KLF8: variants seen among roughly 807,000 people sequenced by gnomAD.
The protein encoded by KLF8 is Krueppel-like factor 8.
Under a neutral mutation model 18.2 loss-of-function variants are expected in KLF8, and 10 were observed. The observed-to-expected ratio is 0.55, with a 90% CI of 0.34 to 0.93. The LOEUF (loss-of-function observed/expected upper bound fraction) is 0.93. Among genes scored for constraint, KLF8 ranks in the 40% least tolerant of loss-of-function variants. The pLI is 0.02. For synonymous variants in KLF8, 109 were observed against 97.3 expected (o/e 1.12, Z -0.71); for missense variants, 264 against 277.9 (o/e 0.95, Z 0.36).
chrX:56,114,031 T>G, the KLF8 span, among the ~76,000 whole-genome samples: 1 of 111,738 alleles, frequency 8.9e-6, no homozygotes, highest in Non-Finnish European at 1.9e-5. Flanking sequence ...CCCAGGGGGA[T>G]CATAGTTCTG....
the KLF8 span, among the ~76,000 whole-genome samples, chrX:56,063,948 C>T: frequency 9.1e-6 from 1 of 109,475 alleles, no homozygotes; most frequent in Non-Finnish European, 1.9e-5. Context: ...ACTATCCTTT[C>T]ACTTCCAGGT....
chrX:55,914,743 A>G, the KLF8 span, among the ~76,000 whole-genome samples: 1 of 111,548 alleles, frequency 9.0e-6, no homozygotes, highest in South Asian at 3.8e-4. Context: ...CACCAGAGAT[A>G]TGCTATGTTC....
At chrX:56,165,167 A>G in the KLF8 span, among the ~76,000 whole-genome samples, 8 of 110,864 alleles carry the variant, frequency 7.2e-5, no homozygotes, top group African/African-American at 2.0e-4. Context: ...AACCAACCCA[A>G]ATGTCCATAT....
At chrX:56,057,087 G>A in the KLF8 span, among the ~76,000 whole-genome samples, 1 of 111,749 alleles carries the variant, frequency 8.9e-6, no homozygotes, top group Non-Finnish European at 1.9e-5. Context: ...GGTGAAGGCA[G>A]TTCGGCTTGG....
chrX:55,920,132 G>T, the KLF8 span, among the ~76,000 whole-genome samples: 1 of 111,829 alleles, frequency 8.9e-6, no homozygotes, highest in African/African-American at 3.3e-5. Flanking sequence ...GAGCATGGTA[G>T]CTCCCCCGGG....
At chrX:56,107,852 T>TAAG in the KLF8 span, among the ~76,000 whole-genome samples, 1 of 112,033 alleles carries the variant, frequency 8.9e-6, no homozygotes, top group Non-Finnish European at 1.9e-5. Context: ...TCGGCCATCT[T>TAAG]AGAACGGATC....
chrX:56,135,804 A>G, the KLF8 span, among the ~76,000 whole-genome samples: 1 of 112,431 alleles, frequency 8.9e-6, no homozygotes, highest in African/African-American at 3.2e-5. Flanking sequence ...GCAGAAATCA[A>G]GAAATTCTTT....
At chrX:56,211,984 T>G in the KLF8 span, among the ~76,000 whole-genome samples, 1 of 111,356 alleles carries the variant, frequency 9.0e-6, no homozygotes, top group South Asian at 3.8e-4. Context: ...TACCTGGGTA[T>G]TGCTGCTGGT....
the KLF8 span, among the ~76,000 whole-genome samples, chrX:56,139,831 T>G: frequency 3.6e-5 from 4 of 110,933 alleles, no homozygotes; most frequent in Non-Finnish European, 7.5e-5. Flanking sequence ...ATCAACAAAG[T>G]AAACAGGCAA....
chrX:56,201,421 A>T, the KLF8 span, among the ~76,000 whole-genome samples: 2 of 111,601 alleles, frequency 1.8e-5, no homozygotes. Flanking sequence ...AAACTCATAC[A>T]CACAAAAACA....
At position 56,270,381 on chromosome X, in the gene KLF8, C is replaced by T. The variant is rs768776369; in HGVS notation, c.898+60C>T. 11 of 778,146 alleles carry T rather than the reference C, an allele frequency of 1.4e-5. No homozygotes were observed. The African/African-American group carries it at 4.4e-4, about 31-fold the overall frequency. 64.1% of individuals were successfully genotyped at this position (778,146 alleles called of 1,213,427 possible). ...ACACACACACACACACACACACACACGAGAGAGAGAGAGAGAGAGGGGCAG... is the reference window on the plus strand; with the variant it reads ...ACACACACACACACACACACACACATGAGAGAGAGAGAGAGAGAGGGGCAG... On this transcript the variant is annotated intron_variant, in intron 5 of 5. Transcript: ENST00000468660.
At position 56,285,111 on chromosome X, in the gene KLF8, A is replaced by T. The variant is rs974937097; in HGVS notation, c.*617A>T. The T allele has an allele frequency of 8.9e-6, 1 of 111,935 alleles. No individual in the cohort carries two copies. The highest frequency in any genetic ancestry group is 1.9e-5 in the Non-Finnish European group (1 of 53,263). 9.2% of individuals were successfully genotyped at this position (111,935 alleles called of 1,213,427 possible). ...TTTCTTCTTAAAGTTTGGTTTTCAG[A>T]CAGTGCTGGTGCTTCTGCTTCTTAA... On this transcript the variant is annotated 3_prime_UTR_variant, in exon 6 of 6. Transcript: ENST00000468660.
chrX:56,266,703 A>G (rs1602451918), intron 3 of KLF8: 1 of 754,236 alleles, frequency 1.3e-6, no homozygotes, highest in Non-Finnish European at 1.6e-6. Flanking sequence ...AAGGAAAATT[A>G]TGTGGCCTCT....
the KLF8 span, among the ~76,000 whole-genome samples, chrX:56,164,729 C>CTTTTTTTTTTTTTTTTTTTTATTTTT: frequency 7.7e-5 from 4 of 51,903 alleles, no homozygotes; most frequent in South Asian, 1.1e-3. Context: ...CTTGTTATCT[C>CTTTTTTTTTTTTTTTTTTTTATTTTT]TTTTTTTTTT....
At chrX:56,275,948 TG>T (rs982111658) in intron 5 of KLF8, among the ~76,000 whole-genome samples, 1 of 112,442 alleles carries the variant, frequency 8.9e-6, no homozygotes, top group Non-Finnish European at 1.9e-5. Context: ...TTTCATTTTT[TG>T]ATGTGTCTTT....
the KLF8 span, among the ~76,000 whole-genome samples, chrX:56,034,779 G>A: frequency 8.9e-5 from 5 of 56,436 alleles, no homozygotes; most frequent in African/African-American, 6.4e-5. Context: ...TTTTTGAGAT[G>A]GAGTCTCGCT....
chrX:56,238,083 C>T (rs1051158168), intron 1 of KLF8, among the ~76,000 whole-genome samples: 1 of 111,609 alleles, frequency 9.0e-6, no homozygotes, highest in African/African-American at 3.3e-5. Context: ...GGAGAGTGGA[C>T]ACAACACAAG....
intron 2 of KLF8, among the ~76,000 whole-genome samples, chrX:56,261,686 G>A (rs1280328699): frequency 9.0e-6 from 1 of 111,173 alleles, no homozygotes; most frequent in Non-Finnish European, 1.9e-5. Flanking sequence ...AAAGCAAATA[G>A]GGTGTTGGGG....
chrX:56,090,167 C>A, the KLF8 span, among the ~76,000 whole-genome samples: 41 of 112,090 alleles, frequency 3.7e-4, no homozygotes, highest in Admixed American at 3.8e-4. Flanking sequence ...AGAATGCTTT[C>A]TCAGCCTTAT....
Sources: allele counts gnomAD v4.1 joint callset (sites outside exome capture counted in the v4.1 genomes callset), GRCh38; gene constraint gnomAD v4.1.1; transcripts MANE v1.5; gene names NCBI Gene and HGNC (gene_info 2026-07-23, HGNC 2026-07-21).